The following AVEN variants were observed in gnomAD, a reference collection of about 807,000 sequenced individuals.
AVEN encodes apoptosis and caspase activation inhibitor.
AVEN carries 41 observed loss-of-function variants against 38.1 expected under a neutral mutation model. The observed-to-expected ratio is 1.08, with a 90% CI of 0.84 to 1.40. AVEN has a LOEUF of 1.40. Among genes scored for constraint, AVEN ranks in the 40% most tolerant of loss-of-function variants. The probability of loss-of-function intolerance (pLI) is 0.00; values close to 1 mark genes in which losing one functional copy is unlikely to be tolerated. For missense variants in AVEN, 605 were observed against 438.8 expected (o/e 1.38, Z -3.38); for synonymous variants, 206 against 171.8 (o/e 1.20, Z -1.56).
chr15:33,878,359 T>A (rs1014122002), intron 2 of AVEN, among the ~76,000 whole-genome samples: 1 of 152,106 alleles, frequency 6.6e-6, no homozygotes, highest in Non-Finnish European at 1.5e-5. Context: ...CAGCCCCAGG[T>A]ATATGGAAAC....
chr15:33,855,037 C>G (rs891404644), downstream of AVEN: 4 of 973,876 alleles, frequency 4.1e-6, no homozygotes, highest in Non-Finnish European at 5.5e-6. Context: ...TTTTCTTGGC[C>G]AAACACTTCA....
rs748139020 is a variant in AVEN, at chr15:34,063,439, A to G, written n.1127-7T>C. ...TCTGACTCTGTGACCAAAGCTGAGA[A>G]GAGAAAGCCAGCTCATAGGGCTCTG... On this transcript the variant is annotated splice_polypyrimidine_tract_variant and splice_region_variant and intron_variant and non_coding_transcript_variant, in intron 4 of 11. Coordinates refer to the AVEN transcript ENST00000675287. The surrounding 1 kb of genome is among the most constrained non-coding windows in gnomAD (Gnocchi z 4.1). The G allele has an allele frequency of 1.1e-4, 181 of 1,613,812 alleles. No homozygotes were observed. Among genetic ancestry groups the G allele is most frequent in the Non-Finnish European group, 1.5e-4 (175 of 1,180,044 alleles).
At chr15:33,861,848 C>G (rs1888350224), downstream of AVEN, among the ~76,000 whole-genome samples, 1 of 152,158 alleles carries the variant, frequency 6.6e-6, no homozygotes, top group African/African-American at 2.4e-5. Flanking sequence ...TGGTCTTGAA[C>G]TCCTGACCTC....
At chr15:33,948,695 C>CA (rs1408284446) in intron 2 of AVEN, among the ~76,000 whole-genome samples, 4 of 151,616 alleles carry the variant, frequency 2.6e-5, no homozygotes, top group African/African-American at 9.7e-5. Context: ...GTTTTTAAGA[C>CA]AGAGTCTCAC....
Position 34,021,117 on chromosome 15 carries a change from A to G in AVEN, c.267+17663T>C, listed in dbSNP as rs1422217528. 2.6e-5 allele frequency among the ~76,000 whole-genome samples: 4 copies of G among 152,274 alleles called. No homozygotes were observed. In the East Asian group the frequency reaches 7.7e-4, roughly 29 times the overall value. Reference sequence around the variant, plus strand: ...CCTTTTCAGTTCTTCCCCGATGAAGAGTCTATAAAATGCCTATCTTTTCTC... The same window carrying G: ...CCTTTTCAGTTCTTCCCCGATGAAGGGTCTATAAAATGCCTATCTTTTCTC... On this transcript the variant is annotated intron_variant, in intron 1 of 5. Coordinates refer to ENST00000306730, the MANE Select transcript of AVEN (RefSeq NM_020371.3).
intron 2 of AVEN, among the ~76,000 whole-genome samples, chr15:33,973,944 T>C (rs1895758312): frequency 6.6e-6 from 1 of 152,212 alleles, no homozygotes; most frequent in Non-Finnish European, 1.5e-5. Context: ...TCACTGATAA[T>C]AGGCAAGTAG....
At chr15:34,030,008 C>G (rs143758653) in intron 1 of AVEN, among the ~76,000 whole-genome samples, 33 of 152,278 alleles carry the variant, frequency 2.2e-4, no homozygotes, top group African/African-American at 7.9e-4. Flanking sequence ...AATCCCAGCA[C>G]TTTGGGAGGC....
At chr15:33,878,400 T>G (rs1177960403) in intron 2 of AVEN, among the ~76,000 whole-genome samples, 3 of 152,196 alleles carry the variant, frequency 2.0e-5, no homozygotes, top group Admixed American at 1.3e-4. Context: ...AGATGATATC[T>G]GTGCAGAAAT....
At chr15:34,068,930 G>A (rs1169403130) in intron 2 of AVEN, among the ~76,000 whole-genome samples, 1 of 151,102 alleles carries the variant, frequency 6.6e-6, no homozygotes, top group African/African-American at 2.4e-5. Context: ...TCCTGCCTCA[G>A]CCTCCCCAGT....
upstream of AVEN, among the ~76,000 whole-genome samples, chr15:34,039,781 G>C (rs993490615): frequency 6.6e-6 from 1 of 152,158 alleles, no homozygotes; most frequent in Admixed American, 6.5e-5. Context: ...AGCTCTATGA[G>C]GTAGGGATGA....
intron 2 of AVEN, among the ~76,000 whole-genome samples, chr15:33,939,712 C>T (rs74400697): frequency 0.029 from 4,468 of 152,242 alleles, 112 homozygotes; most frequent in African/African-American, 0.068. Flanking sequence ...ATTCTATAAG[C>T]CTTCTGTTAT....
intron 2 of AVEN, among the ~76,000 whole-genome samples, chr15:33,909,766 A>C (rs1323378537): frequency 6.6e-6 from 1 of 152,200 alleles, no homozygotes; most frequent in African/African-American, 2.4e-5. Context: ...CAAGGTATAA[A>C]TTTTATCAGG....
At chr15:34,010,244 C>G (rs1371106987) in intron 1 of AVEN, among the ~76,000 whole-genome samples, 1 of 152,126 alleles carries the variant, frequency 6.6e-6, no homozygotes, top group Non-Finnish European at 1.5e-5. Context: ...AATTTATAAT[C>G]TGCTTAATTT....
downstream of AVEN, among the ~76,000 whole-genome samples, chr15:33,858,360 A>G (rs2079937001): frequency 6.6e-6 from 1 of 151,916 alleles, no homozygotes; most frequent in Non-Finnish European, 1.5e-5. Context: ...ATGCACCACC[A>G]CACCTGGCTA....
At chr15:33,854,360 A>G (rs185418626), downstream of AVEN, 33 of 1,540,184 alleles carry the variant, frequency 2.1e-5, 1 homozygote, top group Admixed American at 4.4e-4. Flanking sequence ...TGACATTTAT[A>G]AGTTTTAAAA....
intron 5 of AVEN, among the ~76,000 whole-genome samples, chr15:34,047,291 A>G (rs1246858275): frequency 1.3e-5 from 2 of 152,054 alleles, no homozygotes; most frequent in Non-Finnish European, 2.9e-5. Flanking sequence ...GTTAGCCAGA[A>G]TGGTCTGGAT....
intron 2 of AVEN, among the ~76,000 whole-genome samples, chr15:33,896,312 A>T (rs1195392846): frequency 1.3e-5 from 2 of 152,310 alleles, no homozygotes; most frequent in East Asian, 3.9e-4. Flanking sequence ...AAATTAGCAG[A>T]AAAGGACATT....
At chr15:33,966,829 T>C (rs921815275) in intron 2 of AVEN, among the ~76,000 whole-genome samples, 4 of 152,142 alleles carry the variant, frequency 2.6e-5, no homozygotes, top group African/African-American at 9.6e-5. Flanking sequence ...TCAAACTTCA[T>C]AGAAAAATTA....
chr15:33,922,820 T>C lies in AVEN; in HGVS notation c.446-46825A>G, dbSNP rs1213231857. ...ATTTCATGAAATATGCTTTCTGCTT[T>C]ACTTCTTATGCTCTTTCTTGGGTGA... On this transcript the variant is annotated intron_variant, in intron 2 of 5. Transcript: ENST00000306730. 2.6e-5 allele frequency among the ~76,000 whole-genome samples: 4 copies of C among 152,234 alleles called. No homozygotes were observed. In the East Asian group the frequency reaches 7.7e-4, roughly 29 times the overall value.
Sources: allele counts gnomAD v4.1 joint callset (sites outside exome capture counted in the v4.1 genomes callset), GRCh38; gene constraint gnomAD v4.1.1; non-coding constraint Gnocchi (gnomAD v3.1); transcripts MANE v1.5; gene names NCBI Gene and HGNC (gene_info 2026-07-23, HGNC 2026-07-21).